SCLT1: variants seen among roughly 807,000 people sequenced by gnomAD.
SCLT1 encodes sodium channel and clathrin linker 1.
In SCLT1, 78 loss-of-function variants were observed where a neutral mutation model predicts 112.8. The ratio of observed to expected loss-of-function variants is 0.69; its 90% CI spans 0.58 to 0.83. The LOEUF is 0.83. SCLT1 is among the 40% of genes least tolerant of loss of function. The pLI, the probability that SCLT1 is intolerant of heterozygous loss-of-function variation, is 0.00. For synonymous variants in SCLT1, 257 were observed against 254.7 expected (o/e 1.01, Z -0.09); for missense variants, 747 against 770.4 (o/e 0.97, Z 0.36).
At chr4:129,092,299 A>G (rs1022617899) in intron 1 of SCLT1, among the ~76,000 whole-genome samples, 77 of 152,226 alleles carry the variant, frequency 5.1e-4, no homozygotes, top group Non-Finnish European at 9.6e-4. Context: ...ATTACACTCA[A>G]ACCAGCCGTA....
intron 9 of SCLT1, among the ~76,000 whole-genome samples, chr4:128,990,478 G>A (rs1742464909): frequency 6.6e-6 from 1 of 151,712 alleles, no homozygotes; most frequent in Admixed American, 6.6e-5. Flanking sequence ...AAACCCACGG[G>A]TAATATCATA....
In SCLT1 at chr4:128,975,296, C is replaced by T. The variant is rs545731265; in HGVS notation, c.687-4828G>A. 2.0e-4 allele frequency among the ~76,000 whole-genome samples: 31 copies of T among 152,062 alleles called. No homozygotes were observed. In the South Asian group the frequency reaches 6.0e-3, roughly 30 times the overall value. On this transcript the variant is annotated intron_variant, in intron 9 of 20. Coordinates refer to ENST00000281142, the MANE Select transcript of SCLT1 (RefSeq NM_144643.4). Reference sequence around the variant, plus strand: ...CCTCATGGTCCGCCTGCCTCGGCCTCGCAGACTGCTGGGATTACAGGCATG... The same window carrying T: ...CCTCATGGTCCGCCTGCCTCGGCCTTGCAGACTGCTGGGATTACAGGCATG...
rs771247745 is a variant in SCLT1 at position 128,970,453 on chromosome 4, C to A, written c.702G>T (p.Glu234Asp). The change falls in exon 10 of 21, where the codon GAG (glutamate) becomes GAT (aspartate). Residue 234 changes from glutamate to aspartate, a missense_variant. Transcript: ENST00000281142. ...CCACTTTTGCTACAGCAACTCTCAG[C>A]TCTAATTTGGCTTGCCTAAAAAATA... ...LRKKLRQAKL[E>D]LRVAVAKVEE... 3 of 1,601,232 alleles carry A rather than the reference C, an allele frequency of 1.9e-6. No homozygotes were observed. The highest frequency in any genetic ancestry group is 2.6e-6 in the Non-Finnish European group (3 of 1,169,090).
At chr4:128,923,298 T>C (rs1218867045) in intron 18 of SCLT1, among the ~76,000 whole-genome samples, 1 of 151,870 alleles carries the variant, frequency 6.6e-6, no homozygotes, top group East Asian at 1.9e-4. Flanking sequence ...ATACAAGATT[T>C]AGCTGGGCGT....
intron 18 of SCLT1, among the ~76,000 whole-genome samples, chr4:128,926,688 T>A (rs1454345002): frequency 6.6e-6 from 1 of 152,108 alleles, no homozygotes; most frequent in African/African-American, 2.4e-5. Flanking sequence ...ACAATAAATA[T>A]ATTACTGTTC....
At chr4:129,049,295 C>A (rs971167702) in intron 2 of SCLT1, among the ~76,000 whole-genome samples, 1 of 151,788 alleles carries the variant, frequency 6.6e-6, no homozygotes. Flanking sequence ...GAATACTATG[C>A]AGCCATAAAA....
At position 129,042,222 on chromosome 4, in the gene SCLT1, G is replaced by A. The variant is rs183866981; in HGVS notation, c.234+1173C>T. On this transcript the variant is annotated intron_variant, in intron 4 of 20. Coordinates refer to ENST00000281142, the MANE Select transcript of SCLT1 (RefSeq NM_144643.4). ...CATTGCCTCCTGATAGGTTTAGCTT[G>A]AGTCATATAAGTTCTATTTAAGAAA... Among the ~76,000 whole-genome samples, 9 of 152,270 alleles carry A rather than the reference G, an allele frequency of 5.9e-5. 1 individual carries two copies. In the East Asian group the frequency reaches 1.5e-3, roughly 26 times the overall value.
intron 11 of SCLT1, among the ~76,000 whole-genome samples, chr4:128,962,271 C>T (rs1427722076): frequency 3.3e-5 from 5 of 152,146 alleles, no homozygotes; most frequent in African/African-American, 1.2e-4. Context: ...TGTAATTGAT[C>T]AAGATGCTTA....
chr4:129,075,388 A>G (rs1271162274), intron 2 of SCLT1, among the ~76,000 whole-genome samples: 2 of 152,166 alleles, frequency 1.3e-5, no homozygotes, highest in African/African-American at 2.4e-5. Context: ...GACGAACAGC[A>G]TAAGTAACTG....
Position 128,985,832 on chromosome 4 carries a change from G to C in SCLT1, c.686+6335C>G, listed in dbSNP as rs563143862. On this transcript the variant is annotated intron_variant, in intron 9 of 20. Transcript: ENST00000281142. ...GACCTTAGGTGATCTGTCCGCCTCA[G>C]CCTCCCAAAGTGCTGGGATTACAGG... Among the ~76,000 whole-genome samples the C allele has an allele frequency of 1.4e-4, 21 of 152,248 alleles. No homozygotes were observed. In the South Asian group the frequency reaches 4.4e-3, roughly 32 times the overall value.
At chr4:128,944,242 G>C (rs1231245793) in intron 16 of SCLT1, among the ~76,000 whole-genome samples, 1 of 152,068 alleles carries the variant, frequency 6.6e-6, no homozygotes, top group East Asian at 1.9e-4. Context: ...GGCTGATAAA[G>C]TTCCTAATAA....
Position 128,967,651 on chromosome 4 carries a change from TC to T in SCLT1, c.778-2334del, listed in dbSNP as rs1352976090. Among the ~76,000 whole-genome samples, 18 of 152,374 alleles carry T rather than the reference TC, an allele frequency of 1.2e-4. No individual in the cohort carries two copies. In the South Asian group the frequency reaches 2.9e-3, roughly 25 times the overall value. The stretch of plus-strand genomic sequence containing the variant: ...TTGCTTGTTGGCCACATGTATATCT[TC>T]TTTTGAAAAGTGTCTGTTTATGTCC... On this transcript the variant is annotated intron_variant, in intron 10 of 20. Transcript: ENST00000281142.
intron 2 of SCLT1, among the ~76,000 whole-genome samples, chr4:129,062,172 A>T (rs996847574): frequency 1.2e-4 from 18 of 152,098 alleles, no homozygotes; most frequent in Non-Finnish European, 2.4e-4. Context: ...AGCTGGTCCC[A>T]GTTGGGGGTT....
intron 2 of SCLT1, among the ~76,000 whole-genome samples, chr4:129,056,207 G>A (rs892619133): frequency 4.6e-5 from 7 of 152,172 alleles, no homozygotes; most frequent in East Asian, 1.9e-4. Context: ...GCTGGGAGCT[G>A]CAGACTGGAG....
chr4:129,072,979 T>C (rs1469557339), intron 2 of SCLT1, among the ~76,000 whole-genome samples: 1 of 152,146 alleles, frequency 6.6e-6, no homozygotes, highest in Non-Finnish European at 1.5e-5. Context: ...TCAGATTCTT[T>C]TGTCCCTTGG....
chr4:129,047,834 CTTCTT>C (rs1298252941), intron 2 of SCLT1, among the ~76,000 whole-genome samples: 10 of 151,748 alleles, frequency 6.6e-5, no homozygotes, highest in Admixed American at 2.6e-4. Context: ...TAATTAGATT[CTTCTT>C]TTAACTGTTG....
At chr4:128,879,074 A>T (rs1160857465), downstream of SCLT1, among the ~76,000 whole-genome samples, 3 of 152,082 alleles carry the variant, frequency 2.0e-5, no homozygotes, top group South Asian at 2.1e-4. Flanking sequence ...ACATGTATAC[A>T]TATGTGACAA....
intron 13 of SCLT1, among the ~76,000 whole-genome samples, chr4:128,953,813 A>AAAAAACAG (rs1245367643): frequency 1.5e-5 from 2 of 136,202 alleles, no homozygotes; most frequent in African/African-American, 5.1e-5. Context: ...AAAAAAAACA[A>AAAAAACAG]AAAAACAAAA....
At chr4:128,877,397 C>T (rs935974467) in intron 3 of SCLT1, among the ~76,000 whole-genome samples, 2 of 152,102 alleles carry the variant, frequency 1.3e-5, no homozygotes, top group Non-Finnish European at 2.9e-5. Context: ...ATAGTTCACA[C>T]ATGGCCGGGT....
Sources: allele counts gnomAD v4.1 joint callset (sites outside exome capture counted in the v4.1 genomes callset), GRCh38; gene constraint gnomAD v4.1.1; transcripts MANE v1.5; gene names NCBI Gene and HGNC (gene_info 2026-07-23, HGNC 2026-07-21).